Variants in PPP1R9A observed in about 807,000 individuals in gnomAD.
PPP1R9A encodes neurabin-1.
PPP1R9A carries 59 observed loss-of-function variants against 141.9 expected under a neutral mutation model. The observed-to-expected ratio is 0.42, with a 90% CI of 0.34 to 0.52. PPP1R9A has a LOEUF of 0.52. Ranked by LOEUF, PPP1R9A falls within the 20% of genes least tolerant of loss-of-function variation. PPP1R9A has a pLI of 0.10. For synonymous variants in PPP1R9A, 500 were observed against 569.7 expected (o/e 0.88, Z 1.74); for missense variants, 1,444 against 1,611.9 (o/e 0.90, Z 1.78).
chr7:94,954,162 C>A (rs923421075), intron 2 of PPP1R9A, among the ~76,000 whole-genome samples: 1 of 151,856 alleles, frequency 6.6e-6, no homozygotes, highest in African/African-American at 2.4e-5. Context: ...TAATTTTCAG[C>A]CTTTTTTTCT....
At chr7:95,019,557 T>C (rs1221562732) in intron 2 of PPP1R9A, among the ~76,000 whole-genome samples, 1 of 152,114 alleles carries the variant, frequency 6.6e-6, no homozygotes, top group African/African-American at 2.4e-5. Context: ...CATTTAATAA[T>C]AACAGGACAA....
intron 2 of PPP1R9A, among the ~76,000 whole-genome samples, chr7:94,969,917 C>T (rs997461273): frequency 2.6e-5 from 4 of 152,120 alleles, no homozygotes; most frequent in Admixed American, 1.3e-4. Flanking sequence ...CCACCCAGTT[C>T]GACCTTTCTG....
intron 2 of PPP1R9A, among the ~76,000 whole-genome samples, chr7:95,049,275 A>G (rs1040591440): frequency 1.3e-5 from 2 of 152,196 alleles, no homozygotes; most frequent in African/African-American, 4.8e-5. Flanking sequence ...CAATTTGTTT[A>G]TTTTGGAGAA....
intron 2 of PPP1R9A, among the ~76,000 whole-genome samples, chr7:94,960,932 G>C (rs1273953414): frequency 6.6e-6 from 1 of 151,578 alleles, no homozygotes; most frequent in South Asian, 2.1e-4. Flanking sequence ...GTTCCAATGT[G>C]CTTTCTAAAT....
At chr7:95,209,257 A>T (rs1791568276) in intron 7 of PPP1R9A, among the ~76,000 whole-genome samples, 2 of 152,214 alleles carry the variant, frequency 1.3e-5, no homozygotes. Flanking sequence ...TGAATATGAC[A>T]TAGTTCCTGC....
At chr7:95,023,383 G>A (rs1806288675) in intron 2 of PPP1R9A, among the ~76,000 whole-genome samples, 1 of 151,504 alleles carries the variant, frequency 6.6e-6, no homozygotes, top group Non-Finnish European at 1.5e-5. Flanking sequence ...TTCTTTATTA[G>A]TCTGGCTAGC....
chr7:95,148,688 C>CA (rs80065854), intron 4 of PPP1R9A, among the ~76,000 whole-genome samples: 2,804 of 69,738 alleles, frequency 0.04, 56 homozygotes, highest in African/African-American at 0.075. Flanking sequence ...TCTAAAAATA[C>CA]AAAAAAAAAA....
intron 7 of PPP1R9A, among the ~76,000 whole-genome samples, chr7:95,217,416 G>A (rs1309981889): frequency 1.3e-5 from 2 of 152,108 alleles, no homozygotes; most frequent in African/African-American, 4.8e-5. Flanking sequence ...CAGGGATATT[G>A]GTCTAAAATT....
chr7:95,138,105 T>C (rs1826006189), intron 4 of PPP1R9A, among the ~76,000 whole-genome samples: 1 of 152,054 alleles, frequency 6.6e-6, no homozygotes. Flanking sequence ...GCTAATTTTT[T>C]GTATTTTTAG....
rs1167069569 is a variant in PPP1R9A, at chr7:95,269,265, T to G, written c.2882T>G (p.Leu961Trp). The change falls in exon 14 of 20, where the codon TTG (leucine) becomes TGG (tryptophan). Residue 961 changes from leucine (L) to tryptophan (W), a missense_variant. By Grantham distance (61) the Leu-to-Trp change is moderately conservative. Transcript: ENST00000433360. ...ACCAAATTACTTCCACCTAAGGGTT[T>G]GAGAACGTCTTCTCCAGAATCAGAT... ...HITKLLPPKGLRTSSPESDSG... is the reference protein window; with the variant it reads ...HITKLLPPKGWRTSSPESDSG... 1 of 1,577,784 alleles carries G rather than the reference T, an allele frequency of 6.3e-7. No homozygotes were observed. Among genetic ancestry groups the G allele is most frequent in the East Asian group, 2.2e-5 (1 of 44,728 alleles).
intron 5 of PPP1R9A, among the ~76,000 whole-genome samples, chr7:95,177,840 T>C (rs1205263936): frequency 6.6e-6 from 1 of 152,020 alleles, no homozygotes; most frequent in Non-Finnish European, 1.5e-5. Context: ...CCTAAACATA[T>C]TTGGGAGCTG....
chr7:94,930,450 G>A (rs1794014862), intron 2 of PPP1R9A, among the ~76,000 whole-genome samples: 1 of 152,106 alleles, frequency 6.6e-6, no homozygotes, highest in African/African-American at 2.4e-5. Context: ...CGATTCTCCT[G>A]CCTCAGCCTC....
At chr7:95,258,913 C>A (rs192280441) in intron 12 of PPP1R9A, among the ~76,000 whole-genome samples, 2 of 152,044 alleles carry the variant, frequency 1.3e-5, no homozygotes, top group African/African-American at 4.8e-5. Context: ...TCCTATGGCC[C>A]GACAAATTTA....
chr7:95,073,438 C>A (rs1814300863), intron 2 of PPP1R9A, among the ~76,000 whole-genome samples: 1 of 152,040 alleles, frequency 6.6e-6, no homozygotes, highest in South Asian at 2.1e-4. Context: ...TGAAAGACTT[C>A]TTGCCAAGGG....
Position 94,910,345 on chromosome 7 carries a change from A to C in PPP1R9A, c.232A>C (p.Asn78His). 1.2e-6 allele frequency: 2 copies of C among 1,614,188 alleles called. No individual in the cohort carries two copies. The highest frequency in any genetic ancestry group is 1.7e-6 in the Non-Finnish European group (2 of 1,180,020). The change falls in exon 2 of 20, where the codon AAC (asparagine) becomes CAC (histidine). Residue 78 changes from asparagine (N) to histidine (H), a missense_variant. By Grantham distance (68) the Asn-to-His change is moderately conservative. Around this residue, in one of 5 missense-constraint regions of PPP1R9A, gnomAD observed 490 missense variants for 521.1 expected, o/e 0.94. Coordinates refer to ENST00000433360, the MANE Select transcript of PPP1R9A (RefSeq NM_001166160.2). This position sits in a 1 kb window ranked among gnomAD's most constrained non-coding sequence, Gnocchi z 4.5. ...NLFMQMGMEP[N>H]ENAAVIAKTR... ...ATTTATGCAGATGGGTATGGAACCCAACGAGAATGCTGCAGTCATTGCCAA... is the reference window on the plus strand; with the variant it reads ...ATTTATGCAGATGGGTATGGAACCCCACGAGAATGCTGCAGTCATTGCCAA...
intron 4 of PPP1R9A, among the ~76,000 whole-genome samples, chr7:95,144,155 C>G (rs1162579917): frequency 6.6e-6 from 1 of 152,032 alleles, no homozygotes; most frequent in Non-Finnish European, 1.5e-5. Context: ...CCCATTTGCC[C>G]CACTCCCCCC....
intron 2 of PPP1R9A, among the ~76,000 whole-genome samples, chr7:94,914,689 A>AT (rs1439198257): frequency 1.3e-5 from 2 of 152,250 alleles, no homozygotes; most frequent in African/African-American, 4.8e-5. Flanking sequence ...AAAGGATTGA[A>AT]TTAAAGTAAA....
intron 2 of PPP1R9A, among the ~76,000 whole-genome samples, chr7:95,037,666 G>A (rs1808623812): frequency 6.6e-6 from 1 of 152,054 alleles, no homozygotes; most frequent in Non-Finnish European, 1.5e-5. Flanking sequence ...AGCCCTTGTT[G>A]AGAATACAAA....
chr7:95,128,074 C>G (rs1823898877), intron 4 of PPP1R9A, among the ~76,000 whole-genome samples: 1 of 152,164 alleles, frequency 6.6e-6, no homozygotes, highest in African/African-American at 2.4e-5. Flanking sequence ...CTTCTGTGTT[C>G]TTTGAGAAAT....
Sources: allele counts gnomAD v4.1 joint callset (sites outside exome capture counted in the v4.1 genomes callset), GRCh38; gene constraint gnomAD v4.1.1; regional missense constraint gnomAD v4.1.1; non-coding constraint Gnocchi (gnomAD v3.1); transcripts MANE v1.5; gene names NCBI Gene and HGNC (gene_info 2026-07-23, HGNC 2026-07-21).